YTHDF2: variants seen among roughly 807,000 people sequenced by gnomAD.
YTHDF2 encodes YTH domain-containing family protein 2.
A neutral mutation model predicts 50.4 loss-of-function variants in YTHDF2; 2 were observed. The ratio of observed to expected loss-of-function variants is 0.04; its 90% confidence interval spans 0.02 to 0.12. The LOEUF is 0.12. YTHDF2 is among the 10% of genes least tolerant of loss of function. The probability of loss-of-function intolerance (pLI) is 1.00; values close to 1 mark genes in which losing one functional copy is unlikely to be tolerated. For missense variants in YTHDF2, 483 were observed against 722.6 expected (o/e 0.67, Z 3.80); for synonymous variants, 217 against 255.6 (o/e 0.85, Z 1.44).
chr1:28,753,805 C>T (rs1222452647), intron 4 of YTHDF2, among the ~76,000 whole-genome samples: 2 of 151,032 alleles, frequency 1.3e-5, no homozygotes, highest in Admixed American at 1.3e-4. Context: ...CTCCCAGGTT[C>T]AAGCGATTCT....
At chr1:28,742,012 TTG>T (rs1183890311) in intron 3 of YTHDF2, among the ~76,000 whole-genome samples, 1 of 152,078 alleles carries the variant, frequency 6.6e-6, no homozygotes, top group African/African-American at 2.4e-5. Context: ...AAAAATGCCC[TTG>T]TGTTTATAGG....
At chr1:28,753,153 C>G (rs1414121940) in intron 4 of YTHDF2, among the ~76,000 whole-genome samples, 1 of 151,508 alleles carries the variant, frequency 6.6e-6, no homozygotes, top group African/African-American at 2.4e-5. Context: ...GGAACTTACA[C>G]CTGGAGAGCC....
intron 4 of YTHDF2, among the ~76,000 whole-genome samples, chr1:28,748,020 C>G (rs559315740): frequency 5.9e-4 from 89 of 150,522 alleles, no homozygotes; most frequent in African/African-American, 2.1e-3. Context: ...CCCAGCTACT[C>G]GGGAGGCTGA....
intron 4 of YTHDF2, among the ~76,000 whole-genome samples, chr1:28,744,199 T>G (rs576717116): frequency 2.0e-5 from 3 of 152,206 alleles, no homozygotes; most frequent in South Asian, 4.1e-4. Flanking sequence ...ATACGGACTT[T>G]GAAAGGAAAG....
chr1:28,736,967 C>G lies in YTHDF2; in HGVS notation c.-154C>G. On this transcript the variant is annotated 5_prime_UTR_variant, in exon 1 of 5. Transcript: ENST00000373812. ...AGCGTCGCCGAGTCGGAGCCGGAGC[C>G]TGAGCCGCGCGCTGTGTCTCCGCTG... 2.1e-6 allele frequency: 2 copies of G among 944,578 alleles called. No homozygotes were observed. 58.5% of individuals were successfully genotyped at this position (944,578 alleles called of 1,614,324 possible). A position where few individuals can be genotyped will look rare whatever the true frequency, so the allele number is the denominator to read the frequency against.
At chr1:28,745,697 A>G (rs2087846941) in intron 4 of YTHDF2, among the ~76,000 whole-genome samples, 1 of 147,640 alleles carries the variant, frequency 6.8e-6, no homozygotes, top group South Asian at 2.2e-4. Flanking sequence ...AGCCTGGGCA[A>G]CAAGAGCTAA....
chr1:28,762,726 G>C (rs993157680), intron 4 of YTHDF2, among the ~76,000 whole-genome samples: 1 of 152,176 alleles, frequency 6.6e-6, no homozygotes, highest in African/African-American at 2.4e-5. Flanking sequence ...CAGATTTACT[G>C]TTTTTGAATA....
intron 3 of YTHDF2, among the ~76,000 whole-genome samples, chr1:28,740,698 T>C (rs1045389499): frequency 1.3e-5 from 2 of 152,152 alleles, no homozygotes; most frequent in Non-Finnish European, 2.9e-5. Flanking sequence ...TTTGTTTTTA[T>C]GTATTATTTA....
intron 4 of YTHDF2, among the ~76,000 whole-genome samples, chr1:28,768,191 C>CT (rs1265406657): frequency 1.3e-5 from 2 of 151,828 alleles, no homozygotes; most frequent in Non-Finnish European, 2.9e-5. Flanking sequence ...GAGCGAGACT[C>CT]TGTCTCAAAA....
Position 28,737,059 on chromosome 1 carries a change from TGCCGCCGCCGCCGCGCTGAGGAGAGTTC to T in YTHDF2, c.-54_-27del, listed in dbSNP as rs1243531670. The stretch of plus-strand genomic sequence containing the variant: ...CCTGCTCCCGCAGACGGGGCTCATC[TGCCGCCGCCGCCGCGCTGAGGAGAGTTC>T]GCCGCCGTCGCCGCCCGTGAGGATC... On this transcript the variant is annotated 5_prime_UTR_variant, in exon 1 of 5. Coordinates refer to ENST00000373812, the MANE Select transcript of YTHDF2 (RefSeq NM_016258.3). The T allele has an allele frequency of 6.0e-6, 9 of 1,504,076 alleles. No homozygotes were observed. The highest frequency in any genetic ancestry group is 4.2e-5 in the African/African-American group (3 of 71,536). The allele number at this position is 1,504,076 out of a possible 1,614,324, so 93.2% of individuals were successfully genotyped here. A position where few individuals can be genotyped will look rare whatever the true frequency, so the allele number is the denominator to read the frequency against.
intron 3 of YTHDF2, among the ~76,000 whole-genome samples, chr1:28,738,784 C>G (rs1570459381): frequency 6.6e-6 from 1 of 152,178 alleles, no homozygotes; most frequent in East Asian, 1.9e-4. Flanking sequence ...TGCCCTCTAT[C>G]AGGAAATCCC....
chr1:28,747,538 AC>A (rs2087882518), intron 4 of YTHDF2, among the ~76,000 whole-genome samples: 1 of 141,212 alleles, frequency 7.1e-6, no homozygotes, highest in Non-Finnish European at 1.6e-5. Context: ...AAAAAAAAAA[AC>A]CATTCCATAA....
chr1:28,737,794 G>T, intron 2 of YTHDF2, 112 bp downstream of exon 2: 3 of 1,263,066 alleles, frequency 2.4e-6, no homozygotes, highest in Non-Finnish European at 1.1e-6. Flanking sequence ...CGCTTAGTTC[G>T]CAGGTGCCGC....
At chr1:28,757,666 A>G (rs749704307) in intron 4 of YTHDF2, among the ~76,000 whole-genome samples, 14 of 152,256 alleles carry the variant, frequency 9.2e-5, no homozygotes, top group Non-Finnish European at 1.3e-4. Context: ...TGTGCAAACT[A>G]TAAATATTTG....
rs1415169026 is a variant in YTHDF2 at position 28,743,447 on chromosome 1, C to T, written c.1177C>T (p.Arg393Trp). ...ACCCCACCCAGTGTTGGAGAAGCTTCGGTCCATTAATAACTATAACCCCAA... is the reference window on the plus strand; with the variant it reads ...ACCCCACCCAGTGTTGGAGAAGCTTTGGTCCATTAATAACTATAACCCCAA... ...SEPHPVLEKL[R>W]SINNYNPKDF... The change falls in exon 4 of 5, where the codon CGG becomes TGG. Residue 393 changes from arginine (R) to tryptophan (W), a missense_variant. Around this residue, in one of 4 missense-constraint regions of YTHDF2, gnomAD observed 59 missense variants for 168.9 expected, o/e 0.35. Coordinates refer to ENST00000373812, the MANE Select transcript of YTHDF2 (RefSeq NM_016258.3). This position sits in a 1 kb window ranked among gnomAD's most constrained non-coding sequence, Gnocchi z 6.9. 3.1e-6 allele frequency: 5 copies of T among 1,614,022 alleles called. No individual in the cohort carries two copies. The highest frequency in any genetic ancestry group is 1.3e-5 in the African/African-American group (1 of 74,902).
chr1:28,765,282 G>A (rs1251002178), intron 4 of YTHDF2, among the ~76,000 whole-genome samples: 2 of 151,962 alleles, frequency 1.3e-5, no homozygotes, highest in African/African-American at 2.4e-5. Context: ...TTACAGACAT[G>A]AGCCACCACA....
chr1:28,766,560 A>G (rs1270900403), intron 4 of YTHDF2, among the ~76,000 whole-genome samples: 1 of 152,094 alleles, frequency 6.6e-6, no homozygotes, highest in Non-Finnish European at 1.5e-5. Flanking sequence ...ACTTTGGGTA[A>G]AGTGTTGTCC....
At chr1:28,737,532 C>T (rs542354828) in intron 1 of YTHDF2, 126 bp from the exon 2 acceptor site, 49 of 1,313,144 alleles carry the variant, frequency 3.7e-5, no homozygotes, top group Non-Finnish European at 4.6e-5. Context: ...TCCTCACTAC[C>T]ATTCCTGACG....
At chr1:28,752,902 C>G (rs553248866) in intron 4 of YTHDF2, among the ~76,000 whole-genome samples, 10 of 151,672 alleles carry the variant, frequency 6.6e-5, no homozygotes, top group Admixed American at 3.9e-4. Flanking sequence ...AAAAATTAAC[C>G]AGACTTGGTG....
Sources: gnomAD v4.1 joint callset for allele counts (sites outside exome capture counted in the v4.1 genomes callset) on GRCh38, gnomAD v4.1.1 for gene constraint, gnomAD v4.1.1 regional missense constraint, Gnocchi (gnomAD v3.1) non-coding constraint, MANE v1.5 for transcripts, NCBI Gene and HGNC (gene_info 2026-07-23, HGNC 2026-07-21) for gene names.